CSMD1: variants seen among roughly 807,000 people sequenced by gnomAD.
CSMD1 encodes CUB and Sushi multiple domains 1, also known as CUB and sushi domain-containing protein 1.
A neutral mutation model predicts 417.5 loss-of-function variants in CSMD1; 213 were observed. That is an observed-to-expected ratio of 0.51 (90% CI 0.46 to 0.57). The LOEUF (loss-of-function observed/expected upper bound fraction) is 0.57. Among genes scored for constraint, CSMD1 ranks in the 20% least tolerant of loss-of-function variants. CSMD1 has a pLI of 0.00. For missense variants in CSMD1, 6,923 were observed against 4,529.7 expected, an observed-to-expected ratio of 1.53 and a Z score of -15.17; for synonymous variants, 2,862 against 1,736.8, an observed-to-expected ratio of 1.65 and a Z score of -16.11.
intron 1 of CSMD1, among the ~76,000 whole-genome samples, chr8:4,800,448 AAAAAAAG>A (rs1246617656): frequency 1.3e-5 from 2 of 152,070 alleles, no homozygotes; most frequent in Non-Finnish European, 2.9e-5. Flanking sequence ...CAAAAAAAAA[AAAAAAAG>A]GAAAATTAAA....
chr8:4,499,835 G>C (rs994460306), intron 2 of CSMD1, among the ~76,000 whole-genome samples: 2 of 152,180 alleles, frequency 1.3e-5, no homozygotes, highest in Non-Finnish European at 2.9e-5. Context: ...TAAAGTAAAT[G>C]TATTTGTTAA....
intron 10 of CSMD1, among the ~76,000 whole-genome samples, chr8:3,567,676 G>C (rs1799772616): frequency 6.6e-6 from 1 of 152,050 alleles, no homozygotes; most frequent in South Asian, 2.1e-4. Flanking sequence ...CCCAAGCAAT[G>C]CAACTGTACA....
intron 30 of CSMD1, among the ~76,000 whole-genome samples, chr8:3,207,180 C>T (rs60247632): frequency 0.099 from 6,777 of 68,442 alleles, 440 homozygotes; most frequent in East Asian, 0.27. Context: ...GGTGTCTTGC[C>T]CTGTCACCCA....
intron 26 of CSMD1, among the ~76,000 whole-genome samples, chr8:3,254,036 T>C (rs1202789208): frequency 1.3e-5 from 2 of 152,358 alleles, no homozygotes; most frequent in South Asian, 2.1e-4. Context: ...CCATGTTTAG[T>C]GCTTCCTTCA....
intron 2 of CSMD1, among the ~76,000 whole-genome samples, chr8:4,440,364 A>G (rs1232266708): frequency 6.6e-6 from 1 of 152,184 alleles, no homozygotes; most frequent in Non-Finnish European, 1.5e-5. Flanking sequence ...TATTTATGCA[A>G]TTATACAATG....
chr8:4,928,724 G>C (rs752990063), intron 1 of CSMD1, among the ~76,000 whole-genome samples: 3 of 152,064 alleles, frequency 2.0e-5, no homozygotes, highest in African/African-American at 7.2e-5. Context: ...ATAATCCCCA[G>C]TGCCTCAGAA....
At chr8:3,385,014 T>C (rs1299744975) in intron 18 of CSMD1, among the ~76,000 whole-genome samples, 1 of 14,558 alleles carries the variant, frequency 6.9e-5, no homozygotes, top group East Asian at 1.3e-3. Flanking sequence ...TATATAAATA[T>C]ATAATATATA....
chr8:3,260,760 CAGA>C (rs1196675877), intron 26 of CSMD1, among the ~76,000 whole-genome samples: 1 of 152,134 alleles, frequency 6.6e-6, no homozygotes, highest in Non-Finnish European at 1.5e-5. Context: ...GACTTGACAA[CAGA>C]AGCACAATCC....
Position 3,754,095 on chromosome 8 carries a change from G to T in CSMD1, c.819-53C>A, listed in dbSNP as rs747377603. ...TCCCTTGTAAACCAACAGAGCAAAT[G>T]TCCTATATCAAACCCGCTTTGAAAT... is the stretch of plus-strand genomic sequence containing the variant. On this transcript the variant is annotated intron_variant, in intron 5 of 69. Coordinates refer to ENST00000635120, the MANE Select transcript of CSMD1 (RefSeq NM_033225.6). 47 of 1,199,148 alleles carry T rather than the reference G, an allele frequency of 3.9e-5. 1 individual carries two copies. The South Asian group carries it at 4.6e-4, about 12-fold the overall frequency. 74.3% of individuals were successfully genotyped at this position (1,199,148 alleles called of 1,614,324 possible). A position where few individuals can be genotyped will look rare whatever the true frequency, so the allele number is the denominator to read the frequency against.
chr8:3,210,532 T>C lies in CSMD1; in HGVS notation c.4867+3965A>G, dbSNP rs190561617. The stretch of plus-strand genomic sequence containing the variant: ...CTATATATAGGAATATATGTGAATA[T>C]ATATACATATATACGTGTGTATATA... On this transcript the variant is annotated intron_variant, in intron 30 of 69. Coordinates refer to ENST00000635120, the MANE Select transcript of CSMD1 (RefSeq NM_033225.6). Among the ~76,000 whole-genome samples, 358 of 42,752 alleles carry C rather than the reference T, an allele frequency of 8.4e-3. 3 individuals are homozygous for C. Among genetic ancestry groups the C allele is most frequent in the African/African-American group, 0.037 (324 of 8,654 alleles). The allele number at this position is 42,752 out of a possible 152,430, so 28.0% of individuals were successfully genotyped here.
chr8:4,891,265 C>A (rs978015271), intron 1 of CSMD1, among the ~76,000 whole-genome samples: 2 of 152,082 alleles, frequency 1.3e-5, no homozygotes, highest in African/African-American at 4.8e-5. Context: ...TCTCTACATC[C>A]TTAGGTAAAA....
At chr8:4,017,755 C>G (rs1423824668) in intron 4 of CSMD1, among the ~76,000 whole-genome samples, 1 of 152,064 alleles carries the variant, frequency 6.6e-6, no homozygotes, top group Non-Finnish European at 1.5e-5. Flanking sequence ...AATGCTGAAA[C>G]TTCCTAAATA....
chr8:4,800,649 G>A (rs746895096), intron 1 of CSMD1, among the ~76,000 whole-genome samples: 56 of 152,178 alleles, frequency 3.7e-4, no homozygotes, highest in Non-Finnish European at 7.9e-4. Flanking sequence ...TCCCCCAGGG[G>A]GCTGTGGAGC....
chr8:3,930,668 T>A (rs1810077877), intron 5 of CSMD1, among the ~76,000 whole-genome samples: 1 of 150,258 alleles, frequency 6.7e-6, no homozygotes, highest in Admixed American at 6.6e-5. Context: ...TGTACTGTCA[T>A]GGCAAAACTG....
At chr8:3,750,328 A>G (rs1797272518) in intron 6 of CSMD1, among the ~76,000 whole-genome samples, 1 of 149,900 alleles carries the variant, frequency 6.7e-6, no homozygotes, top group South Asian at 2.1e-4. Context: ...ATGTATATAT[A>G]TATCTTATAT....
rs546017174 is a variant in CSMD1, at chr8:4,335,613, T to C, written c.415+84340A>G. Among the ~76,000 whole-genome samples, 65 of 152,256 alleles carry C rather than the reference T, an allele frequency of 4.3e-4. 1 individual carries two copies. The highest frequency in any genetic ancestry group is 1.3e-3 in the African/African-American group (55 of 41,550). On this transcript the variant is annotated intron_variant, in intron 3 of 69. Transcript: ENST00000635120. Reference sequence around the variant, plus strand: ...CCTTAAAACTACTCTATGATTATCATTGATTCATGTATTTATTCAAATATT... The same window carrying C: ...CCTTAAAACTACTCTATGATTATCACTGATTCATGTATTTATTCAAATATT...
chr8:3,172,431 C>T (rs1320531477), intron 37 of CSMD1, among the ~76,000 whole-genome samples: 1 of 152,190 alleles, frequency 6.6e-6, no homozygotes, highest in African/African-American at 2.4e-5. Flanking sequence ...AGAACCCCGC[C>T]AATTTGCTTC....
intron 5 of CSMD1, among the ~76,000 whole-genome samples, chr8:3,879,766 C>G (rs1323210116): frequency 2.0e-5 from 3 of 152,098 alleles, no homozygotes; most frequent in Non-Finnish European, 4.4e-5. Context: ...TTTCTATGAA[C>G]TAACATTGCT....
At chr8:3,392,005 G>A (rs906953898) in intron 17 of CSMD1, among the ~76,000 whole-genome samples, 1 of 149,186 alleles carries the variant, frequency 6.7e-6, no homozygotes, top group Non-Finnish European at 1.5e-5. Context: ...CTATCACAAA[G>A]ACAAAAAACC....
Sources: allele counts gnomAD v4.1 joint callset (sites outside exome capture counted in the v4.1 genomes callset), GRCh38; gene constraint gnomAD v4.1.1; transcripts MANE v1.5; gene names NCBI Gene and HGNC (gene_info 2026-07-23, HGNC 2026-07-21).